CDH12: variants seen among roughly 807,000 people sequenced by gnomAD.
The protein encoded by CDH12 is cadherin 12, also known as cadherin-12.
A neutral mutation model predicts 74.1 loss-of-function variants in CDH12; 41 were observed. That is an observed-to-expected ratio of 0.55 (90% CI 0.43 to 0.72). CDH12 has a LOEUF of 0.72. CDH12 is among the 30% of genes least tolerant of loss of function. The probability of loss-of-function intolerance (pLI) is 0.00; values close to 1 mark genes in which losing one functional copy is unlikely to be tolerated. For missense variants in CDH12, 945 were observed against 977.2 expected (o/e 0.97, Z 0.44); for synonymous variants, 399 against 355.0 (o/e 1.12, Z -1.39).
chr5:22,788,619 A>G (rs1203941624), intron 1 of CDH12, among the ~76,000 whole-genome samples: 1 of 148,202 alleles, frequency 6.7e-6, no homozygotes, highest in Non-Finnish European at 1.5e-5. Context: ...ATATATTAAT[A>G]AATACAATAT....
At chr5:22,549,717 A>G (rs1004256073) in intron 1 of CDH12, among the ~76,000 whole-genome samples, 2 of 152,200 alleles carry the variant, frequency 1.3e-5, no homozygotes, top group African/African-American at 4.8e-5. Flanking sequence ...GTCATGGTTA[A>G]TCTAAAAACC....
At chr5:22,123,839 A>G (rs1036899696) in intron 4 of CDH12, among the ~76,000 whole-genome samples, 6 of 152,210 alleles carry the variant, frequency 3.9e-5, no homozygotes, top group Non-Finnish European at 7.4e-5. Flanking sequence ...AGGAAATGGC[A>G]GCATTAGAAT....
intron 4 of CDH12, chr5:22,152,370 T>C (rs1458248852): frequency 1.3e-5 from 2 of 152,166 alleles, no homozygotes; most frequent in Non-Finnish European, 2.9e-5. Context: ...TTTATCTCTG[T>C]TTTATAGAAG....
At chr5:22,608,916 T>C (rs1183293490) in intron 1 of CDH12, among the ~76,000 whole-genome samples, 1 of 152,134 alleles carries the variant, frequency 6.6e-6, no homozygotes, top group Non-Finnish European at 1.5e-5. Context: ...AATTTCCCAG[T>C]CTCAGGCAGT....
chr5:21,832,895 TCATATAATATATGATATAATATTAA>T (rs1749133406), intron 8 of CDH12, among the ~76,000 whole-genome samples: 1 of 83,218 alleles, frequency 1.2e-5, no homozygotes, highest in African/African-American at 7.7e-5. Context: ...TTAATATATA[TCATATAATATATGATATAATATTAA>T]TATATATCAT....
At chr5:22,770,735 T>C (rs1746763728) in intron 1 of CDH12, among the ~76,000 whole-genome samples, 1 of 152,174 alleles carries the variant, frequency 6.6e-6, no homozygotes, top group African/African-American at 2.4e-5. Flanking sequence ...TATATGATCC[T>C]AGTTTGTTAA....
At chr5:22,275,690 A>G (rs1013333354) in intron 3 of CDH12, among the ~76,000 whole-genome samples, 2 of 152,192 alleles carry the variant, frequency 1.3e-5, no homozygotes, top group Non-Finnish European at 2.9e-5. Flanking sequence ...AAACTCATTT[A>G]TGTTGTAGAG....
intron 3 of CDH12, among the ~76,000 whole-genome samples, chr5:22,345,124 G>A (rs534301256): frequency 3.7e-4 from 57 of 152,222 alleles, no homozygotes; most frequent in Non-Finnish European, 1.5e-4. Context: ...GATGAGGACG[G>A]GGTAAAGAGG....
intron 3 of CDH12, among the ~76,000 whole-genome samples, chr5:22,400,787 G>T (rs1376456208): frequency 6.6e-6 from 1 of 152,160 alleles, no homozygotes; most frequent in African/African-American, 2.4e-5. Context: ...GCAGCTCTCA[G>T]GAACATTCTA....
chr5:22,402,832 CAGAAA>C, intron 3 of CDH12, among the ~76,000 whole-genome samples: 1 of 152,100 alleles, frequency 6.6e-6, no homozygotes, highest in Non-Finnish European at 1.5e-5. Flanking sequence ...GGAGTTATTT[CAGAAA>C]TGCACAACCT....
chr5:21,829,341 C>T (rs904773615), intron 8 of CDH12, among the ~76,000 whole-genome samples: 1 of 152,144 alleles, frequency 6.6e-6, no homozygotes, highest in Non-Finnish European at 1.5e-5. Context: ...GCAAAAACCA[C>T]TCCCTATTTT....
At chr5:22,158,021 CTA>C (rs1334919317) in intron 4 of CDH12, among the ~76,000 whole-genome samples, 1 of 151,868 alleles carries the variant, frequency 6.6e-6, no homozygotes, top group African/African-American at 2.4e-5. Flanking sequence ...TTACAATTCA[CTA>C]TGTGTACTCA....
At chr5:22,135,127 G>C (rs757630908) in intron 4 of CDH12, among the ~76,000 whole-genome samples, 1 of 150,010 alleles carries the variant, frequency 6.7e-6, no homozygotes, top group Admixed American at 6.7e-5. Flanking sequence ...GAATGTGAGA[G>C]CAACTTGGAG....
At chr5:22,269,739 T>C (rs1736297620) in intron 3 of CDH12, among the ~76,000 whole-genome samples, 1 of 152,198 alleles carries the variant, frequency 6.6e-6, no homozygotes, top group Non-Finnish European at 1.5e-5. Context: ...AGAGCAATTA[T>C]ACATCTCTGT....
At chr5:21,902,801 T>A (rs1255530748) in intron 6 of CDH12, among the ~76,000 whole-genome samples, 1 of 152,148 alleles carries the variant, frequency 6.6e-6, no homozygotes, top group African/African-American at 2.4e-5. Flanking sequence ...CAATGGCTAT[T>A]ATGTTGGAGA....
intron 3 of CDH12, among the ~76,000 whole-genome samples, chr5:22,352,659 G>A (rs1229104614): frequency 6.6e-6 from 1 of 152,144 alleles, no homozygotes; most frequent in East Asian, 1.9e-4. Context: ...TTATTGTCAT[G>A]AAAGAGAACC....
intron 4 of CDH12, among the ~76,000 whole-genome samples, chr5:22,153,143 G>A (rs1747714268): frequency 6.6e-6 from 1 of 151,000 alleles, no homozygotes; most frequent in African/African-American, 2.4e-5. Flanking sequence ...AGAAAGTGCT[G>A]GGTCATACGA....
At chr5:21,989,566 A>AC (rs1187272809) in intron 5 of CDH12, among the ~76,000 whole-genome samples, 2 of 152,024 alleles carry the variant, frequency 1.3e-5, no homozygotes, top group Non-Finnish European at 2.9e-5. Flanking sequence ...CTCACTCTGT[A>AC]CCCCCCATTG....
chr5:22,481,507 T>C (rs1302751354), intron 2 of CDH12, among the ~76,000 whole-genome samples: 3 of 152,184 alleles, frequency 2.0e-5, no homozygotes, highest in Non-Finnish European at 4.4e-5. Context: ...TTTACAGTGG[T>C]ATATTATTGA....
Sources: allele counts gnomAD v4.1 joint callset (sites outside exome capture counted in the v4.1 genomes callset), GRCh38; gene constraint gnomAD v4.1.1; transcripts MANE v1.5; gene names NCBI Gene and HGNC (gene_info 2026-07-23, HGNC 2026-07-21).